Variants in PARP6 observed in about 807,000 individuals in gnomAD.
PARP6 encodes the protein protein mono-ADP-ribosyltransferase PARP6.
In PARP6, 27 loss-of-function variants were observed where a neutral mutation model predicts 92.0. That is an observed-to-expected ratio of 0.29 (90% CI 0.22 to 0.40). The LOEUF is 0.40. Ranked by LOEUF, PARP6 falls within the 10% of genes least tolerant of loss-of-function variation. The probability of loss-of-function intolerance (pLI) is 1.00; values close to 1 mark genes in which losing one functional copy is unlikely to be tolerated. For synonymous variants in PARP6, 272 were observed against 281.2 expected, an observed-to-expected ratio of 0.97 and a Z score of 0.33; for missense variants, 501 against 784.5, an observed-to-expected ratio of 0.64 and a Z score of 4.32.
Position 72,267,600 on chromosome 15 carries a change from C to A in PARP6, c.-123G>T. 1 of 1,006,598 alleles carries A rather than the reference C, an allele frequency of 9.9e-7. No homozygotes were observed. The allele number at this position is 1,006,598 out of a possible 1,614,324, so 62.4% of individuals were successfully genotyped here. On this transcript the variant is annotated 5_prime_UTR_variant, in exon 3 of 24. Coordinates refer to ENST00000569795, the MANE Select transcript of PARP6 (RefSeq NM_001323532.2). ...CCACAAAGGGAGACAAGGTAGGGCA[C>A]GATGTCAGGGACAACTGGTGATCTG...
In PARP6 at chr15:72,242,325, T is replaced by C; in HGVS notation, c.1642-105A>G. ...TTGGGAGTGGGGATCAGAGATATCC[T>C]GGGCTCCCAGCAACACCCCTCGCCG... On this transcript the variant is annotated intron_variant, in intron 21 of 23. Transcript: ENST00000569795. The surrounding 1 kb of genome is among the most constrained non-coding windows in gnomAD (Gnocchi z 4.3). The C allele has an allele frequency of 1.1e-6, 1 of 915,698 alleles. No homozygotes were observed. Among genetic ancestry groups the C allele is most frequent in the South Asian group, 1.4e-5 (1 of 72,042 alleles). The allele number at this position is 915,698 out of a possible 1,614,324, so 56.7% of individuals were successfully genotyped here. A position where few individuals can be genotyped will look rare whatever the true frequency, so the allele number is the denominator to read the frequency against.
chr15:72,265,382 C>T, intron 6 of PARP6, 31 bp downstream of exon 6: 1 of 1,581,804 alleles, frequency 6.3e-7, no homozygotes, highest in African/African-American at 1.3e-5. Flanking sequence ...TCCAGCTAGA[C>T]ATGTTGTTGG....
chr15:72,267,621 A>G lies in PARP6; in HGVS notation c.-144T>C. The G allele has an allele frequency of 1.2e-6, 1 of 819,608 alleles. No homozygotes were observed. Among genetic ancestry groups the G allele is most frequent in the Non-Finnish European group, 2.1e-6 (1 of 478,844 alleles). 50.8% of individuals were successfully genotyped at this position (819,608 alleles called of 1,614,324 possible). A position where few individuals can be genotyped will look rare whatever the true frequency, so the allele number is the denominator to read the frequency against. On this transcript the variant is annotated 5_prime_UTR_variant, in exon 3 of 24. Transcript: ENST00000569795. ...GGCACGATGTCAGGGACAACTGGTGATCTGTTGGGGATGGCAGGCTCTGCT... is the reference window on the plus strand; with the variant it reads ...GGCACGATGTCAGGGACAACTGGTGGTCTGTTGGGGATGGCAGGCTCTGCT...
chr15:72,261,509 G>A lies in PARP6; in HGVS notation c.545+49C>T, dbSNP rs1244309920. The A allele has an allele frequency of 2.6e-6, 4 of 1,529,824 alleles. No individual in the cohort carries two copies. The African/African-American group carries it at 5.5e-5, about 21-fold the overall frequency. The allele number at this position is 1,529,824 out of a possible 1,614,324, so 94.8% of individuals were successfully genotyped here. A position where few individuals can be genotyped will look rare whatever the true frequency, so the allele number is the denominator to read the frequency against. On this transcript the variant is annotated intron_variant, in intron 9 of 23. Coordinates refer to ENST00000569795, the MANE Select transcript of PARP6 (RefSeq NM_001323532.2). Reference sequence around the variant, plus strand: ...TTATGTAATCAAGAAGGTGGGGGTGGGGGCTATCACAAGGTGTTTACAGAT... The same window carrying A: ...TTATGTAATCAAGAAGGTGGGGGTGAGGGCTATCACAAGGTGTTTACAGAT...
intron 1 of PARP6, 131 bp downstream of exon 1, chr15:72,272,261 CA>C: frequency 6.6e-6 from 1 of 152,624 alleles, no homozygotes; most frequent in Non-Finnish European, 1.5e-5. Flanking sequence ...CTGAAGACCC[CA>C]AAAACACCCA....
chr15:72,256,105 A>G (rs1421666369), intron 14 of PARP6, among the ~76,000 whole-genome samples: 1 of 152,056 alleles, frequency 6.6e-6, no homozygotes, highest in East Asian at 1.9e-4. Context: ...CCTACTTCTC[A>G]TTTGTATAAT....
At chr15:72,252,490 AT>A (rs199556217) in intron 16 of PARP6, among the ~76,000 whole-genome samples, 24 of 147,848 alleles carry the variant, frequency 1.6e-4, no homozygotes, top group African/African-American at 1.7e-4. Context: ...AATACATGTA[AT>A]TTTTTTTTTT....
Position 72,258,127 on chromosome 15 carries a change from C to G in PARP6, c.816G>C (p.Met272Ile), listed in dbSNP as rs1201307802. The stretch of plus-strand genomic sequence containing the variant: ...TTGGAATCCTCTGTTCTGCATACTT[C>G]ATGATCTGAGAAAACAACAGATTCT... ...TLEYGFLVQI[M>I]KYAEQRIPTL... Residue 272 changes from methionine to isoleucine, a missense_variant, in exon 12 of 24, where the codon ATG (methionine) becomes ATC (isoleucine). Transcript: ENST00000569795. The G allele has an allele frequency of 6.2e-7, 1 of 1,608,962 alleles. No homozygotes were observed. Among genetic ancestry groups the G allele is most frequent in the African/African-American group, 1.3e-5 (1 of 74,826 alleles).
intron 20 of PARP6, chr15:72,243,039 G>A (rs550980867): frequency 1.1e-4 from 28 of 261,768 alleles, no homozygotes; most frequent in African/African-American, 5.4e-4. Context: ...AAGTGTCTGG[G>A]AAGAAGTAAT....
At chr15:72,256,027 G>A (rs917548169) in intron 14 of PARP6, among the ~76,000 whole-genome samples, 21 of 151,456 alleles carry the variant, frequency 1.4e-4, no homozygotes, top group Non-Finnish European at 2.5e-4. Context: ...TCGATCTCCT[G>A]ACCTTGTGAT....
chr15:72,260,577 G>C lies in PARP6; in HGVS notation c.657C>G (p.Asn219Lys). ...MNRSISCTMK[N>K]PKVEVFGYPP... is the part of the protein sequence containing the mutation. ...GGTAGCCAAACACTTCCACTTTGGG[G>C]TTCTTCATGGTACAGGAGATGGAAC... Residue 219 changes from asparagine (N) to lysine (K), a missense_variant, in exon 10 of 24, where the codon AAC (asparagine) becomes AAG (lysine). Around this residue, in one of 4 missense-constraint regions of PARP6, gnomAD observed 291 missense variants for 352.0 expected, o/e 0.83. Coordinates refer to ENST00000569795, the MANE Select transcript of PARP6 (RefSeq NM_001323532.2). The C allele has an allele frequency of 6.2e-7, 1 of 1,614,148 alleles. No homozygotes were observed. Among genetic ancestry groups the C allele is most frequent in the South Asian group, 1.1e-5 (1 of 91,084 alleles).
chr15:72,243,204 A>G (rs1443730920), intron 20 of PARP6: 1 of 154,710 alleles, frequency 6.5e-6, no homozygotes, highest in African/African-American at 2.4e-5. Context: ...ACTAAAGTCT[A>G]TCCTCAGAAC....
chr15:72,256,478 G>T lies in PARP6; in HGVS notation c.1112C>A (p.Ala371Asp). 6.4e-7 allele frequency: 1 copy of T among 1,571,724 alleles called. No individual in the cohort carries two copies. The highest frequency in any genetic ancestry group is 1.4e-5 in the African/African-American group (1 of 72,060). ...CAAGTAACATACCTTAGGGTTAAAGGCCAGAGTCTTGGGATCAGTGGGGTC... is the reference window on the plus strand; with the variant it reads ...CAAGTAACATACCTTAGGGTTAAAGTCCAGAGTCTTGGGATCAGTGGGGTC... Reference protein sequence around the residue: ...VVDPTDPKTLAFNPKKKNYER... With the variant: ...VVDPTDPKTLDFNPKKKNYER... The change falls in exon 14 of 24, where the codon GCC (alanine) becomes GAC (aspartate). Residue 371 changes from alanine to aspartate, a missense_variant. Around this residue, in one of 4 missense-constraint regions of PARP6, gnomAD observed 191 missense variants for 399.1 expected, o/e 0.48. Coordinates refer to ENST00000569795, the MANE Select transcript of PARP6 (RefSeq NM_001323532.2).
intron 14 of PARP6, 50 bp from the exon 15 acceptor site, chr15:72,254,570 A>C: frequency 2.1e-6 from 3 of 1,444,826 alleles, no homozygotes; most frequent in Non-Finnish European, 2.9e-6. Context: ...AAAGTAGAGG[A>C]AAGTAAGATG....
In PARP6 at chr15:72,255,785, T is replaced by TCTC. The variant is rs200975488; in HGVS notation, c.1125+679_1125+680insGAG. On this transcript the variant is annotated intron_variant, in intron 14 of 23. Transcript: ENST00000569795. ...GTACTTTACATATATTACTTCTCTCTTTTTTTTTTTTTTTTTTTTTTTTTT... is the reference window on the plus strand; with the variant it reads ...GTACTTTACATATATTACTTCTCTCTCTCTTTTTTTTTTTTTTTTTTTTTTTTT... Among the ~76,000 whole-genome samples the TCTC allele has an allele frequency of 6.6e-3, 6 of 904 alleles. 1 individual carries two copies. Among genetic ancestry groups the TCTC allele is most frequent in the Non-Finnish European group, 0.014 (4 of 292 alleles). The allele number at this position is 904 out of a possible 152,430, so 0.6% of individuals were successfully genotyped here.
Position 72,267,628 on chromosome 15 carries a change from G to T in PARP6, c.-151C>A. The T allele has an allele frequency of 2.6e-6, 2 of 756,968 alleles. No individual in the cohort carries two copies. Among genetic ancestry groups the T allele is most frequent in the Admixed American group, 2.1e-5 (1 of 47,478 alleles). 46.9% of individuals were successfully genotyped at this position (756,968 alleles called of 1,614,324 possible). A position where few individuals can be genotyped will look rare whatever the true frequency, so the allele number is the denominator to read the frequency against. ...TGTCAGGGACAACTGGTGATCTGTT[G>T]GGGATGGCAGGCTCTGCTGTTGCGG... On this transcript the variant is annotated 5_prime_UTR_variant, in exon 3 of 24. Coordinates refer to ENST00000569795, the MANE Select transcript of PARP6 (RefSeq NM_001323532.2).
intron 19 of PARP6, 120 bp from the exon 20 acceptor site, chr15:72,249,434 C>G (rs1743287259): frequency 7.2e-6 from 4 of 554,210 alleles, no homozygotes; most frequent in East Asian, 2.7e-5. Flanking sequence ...TTCAAGTAAC[C>G]CTAAGCACCT....
chr15:72,251,367 G>A, intron 16 of PARP6, 112 bp from the exon 17 acceptor site: 1 of 643,366 alleles, frequency 1.6e-6, no homozygotes. Flanking sequence ...AGGATTCCTG[G>A]GCTGTCCAAA....
At chr15:72,251,010 G>A (rs1304410154) in intron 17 of PARP6, 56 bp from the exon 18 acceptor site, 1 of 1,341,554 alleles carries the variant, frequency 7.5e-7, no homozygotes, top group South Asian at 1.2e-5. Context: ...CGAGATCAGG[G>A]AGGGAAGGGT....
Sources: allele counts gnomAD v4.1 joint callset (sites outside exome capture counted in the v4.1 genomes callset), GRCh38; gene constraint gnomAD v4.1.1; regional missense constraint gnomAD v4.1.1; non-coding constraint Gnocchi (gnomAD v3.1); transcripts MANE v1.5; gene names NCBI Gene and HGNC (gene_info 2026-07-23, HGNC 2026-07-21).